TGFA: variants seen among roughly 807,000 people sequenced by gnomAD.
TGFA encodes the protein transforming growth factor alpha, also known as protransforming growth factor alpha.
Under a neutral mutation model 21.7 loss-of-function variants are expected in TGFA, and 12 were observed. That is an observed-to-expected ratio of 0.55 (90% confidence interval 0.35 to 0.90). The LOEUF (loss-of-function observed/expected upper bound fraction) is 0.90. TGFA is among the 40% of genes least tolerant of loss of function. The pLI, the probability that TGFA is intolerant of heterozygous loss-of-function variation, is 0.01. For missense variants in TGFA, 178 were observed against 210.8 expected, an observed-to-expected ratio of 0.84 and a Z score of 0.96; for synonymous variants, 79 against 88.1, an observed-to-expected ratio of 0.90 and a Z score of 0.58.
chr2:70,456,201 C>T, intron 4 of TGFA, 138 bp downstream of exon 4: 1 of 1,210,456 alleles, frequency 8.3e-7, no homozygotes, highest in Non-Finnish European at 1.1e-6. Context: ...ATCAAAGTAG[C>T]ATTTAGCTTT....
intron 3 of TGFA, among the ~76,000 whole-genome samples, chr2:70,462,373 C>A (rs1028107746): frequency 9.9e-5 from 15 of 152,222 alleles, no homozygotes; most frequent in African/African-American, 3.4e-4. Flanking sequence ...TGTCCCAGGG[C>A]TGAACACATG....
intron 3 of TGFA, among the ~76,000 whole-genome samples, chr2:70,457,578 T>C (rs1042730686): frequency 6.6e-6 from 1 of 151,532 alleles, no homozygotes; most frequent in Admixed American, 6.6e-5. Context: ...GTCTCACTCT[T>C]GTGCCCAGCC....
chr2:70,496,570 T>C (rs999773522), intron 2 of TGFA, among the ~76,000 whole-genome samples: 7 of 152,220 alleles, frequency 4.6e-5, no homozygotes, highest in African/African-American at 7.2e-5. Context: ...ATATTGGCTC[T>C]TTGTGACTTA....
intron 2 of TGFA, chr2:70,467,687 C>G (rs1009570851): frequency 6.6e-6 from 1 of 152,158 alleles, no homozygotes; most frequent in Non-Finnish European, 1.5e-5. Context: ...GTTCCTGGAG[C>G]TCTTGCTCTC....
rs190296919 is a variant in TGFA at position 70,463,448 on chromosome 2, C to G, written c.215+2168G>C. Among the ~76,000 whole-genome samples the G allele has an allele frequency of 2.8e-3, 419 of 152,222 alleles. 5 individuals carry two copies. Among genetic ancestry groups the G allele is most frequent in the Non-Finnish European group, 7.9e-4 (54 of 68,000 alleles). ...GGGAATGGGAGAGCAGTCACCCACCCCAGCGTTCAGAAGGCTTCTAACAGC... is the reference window on the plus strand; with the variant it reads ...GGGAATGGGAGAGCAGTCACCCACCGCAGCGTTCAGAAGGCTTCTAACAGC... On this transcript the variant is annotated intron_variant, in intron 3 of 5. Coordinates refer to ENST00000295400, the MANE Select transcript of TGFA (RefSeq NM_003236.4).
chr2:70,532,993 C>T (rs912757686), intron 1 of TGFA, among the ~76,000 whole-genome samples: 6 of 151,836 alleles, frequency 4.0e-5, no homozygotes, highest in Admixed American at 1.3e-4. Flanking sequence ...TCCCAAGTAG[C>T]TGGGGTGACA....
chr2:70,514,917 T>A lies in TGFA; in HGVS notation c.41-5A>T, dbSNP rs1553501404. The A allele has an allele frequency of 6.2e-7, 1 of 1,613,654 alleles. No individual in the cohort carries two copies. Among genetic ancestry groups the A allele is most frequent in the Admixed American group, 1.7e-5 (1 of 59,966 alleles). ...GGCACGCAGCCAACACAATACCTGTTGGGTGGAGGAGAAGAGGGAAAAGGT... is the reference window on the plus strand; with the variant it reads ...GGCACGCAGCCAACACAATACCTGTAGGGTGGAGGAGAAGAGGGAAAAGGT... On this transcript the variant is annotated splice_region_variant and splice_polypyrimidine_tract_variant and intron_variant, in intron 1 of 5. Transcript: ENST00000295400.
intron 2 of TGFA, among the ~76,000 whole-genome samples, chr2:70,502,285 AC>A (rs1671760067): frequency 6.6e-6 from 1 of 152,084 alleles, no homozygotes; most frequent in Non-Finnish European, 1.5e-5. Flanking sequence ...GGGTTCCATG[AC>A]CCTACTTCCC....
At chr2:70,502,306 A>C (rs1553499293) in intron 2 of TGFA, among the ~76,000 whole-genome samples, 1 of 152,188 alleles carries the variant, frequency 6.6e-6, no homozygotes, top group Non-Finnish European at 1.5e-5. Context: ...CAACAGCCAA[A>C]GTGTGGCTTC....
chr2:70,519,396 A>C (rs1553501970), intron 1 of TGFA, among the ~76,000 whole-genome samples: 1 of 152,228 alleles, frequency 6.6e-6, no homozygotes, highest in African/African-American at 2.4e-5. Flanking sequence ...TTTTATTTGC[A>C]AGCATGGCAG....
At chr2:70,538,521 G>C (rs1673040811) in intron 1 of TGFA, among the ~76,000 whole-genome samples, 2 of 152,222 alleles carry the variant, frequency 1.3e-5, no homozygotes, top group Non-Finnish European at 2.9e-5. Flanking sequence ...TTTGGAAGAA[G>C]TTGATTCCAA....
At position 70,450,150 on chromosome 2, in the gene TGFA, C is replaced by T. The variant is rs1670009029; in HGVS notation, c.*709G>A. ...TTTCTAATCAGTATAGCTTTTCAGT[C>T]AGCAACACATACATCATTAATGTAG... On this transcript the variant is annotated 3_prime_UTR_variant, in exon 6 of 6. Transcript: ENST00000295400. The T allele has an allele frequency of 6.6e-6, 1 of 152,196 alleles. No homozygotes were observed. Among genetic ancestry groups the T allele is most frequent in the African/African-American group, 2.4e-5 (1 of 41,442 alleles). 9.4% of individuals were successfully genotyped at this position (152,196 alleles called of 1,614,324 possible).
At chr2:70,461,595 A>G (rs1670406949) in intron 3 of TGFA, 1 of 152,178 alleles carries the variant, frequency 6.6e-6, no homozygotes, top group Admixed American at 6.5e-5. Context: ...CAGGTGAGAA[A>G]CTTCAAACTG....
At chr2:70,514,758 G>T in intron 2 of TGFA, 101 bp downstream of exon 2, 3 of 1,261,250 alleles carry the variant, frequency 2.4e-6, no homozygotes, top group Non-Finnish European at 2.3e-6. Flanking sequence ...GCGTGTGCTC[G>T]GTGGGCAGGA....
chr2:70,513,942 A>G (rs1393026597), intron 2 of TGFA, among the ~76,000 whole-genome samples: 2 of 152,208 alleles, frequency 1.3e-5, no homozygotes, highest in East Asian at 3.8e-4. Flanking sequence ...TCGGAAAGCT[A>G]TCTGGCAGTT....
intron 1 of TGFA, among the ~76,000 whole-genome samples, chr2:70,535,240 T>G (rs1310203136): frequency 6.6e-6 from 1 of 152,158 alleles, no homozygotes; most frequent in Non-Finnish European, 1.5e-5. Context: ...GTGTACCTCA[T>G]GCCATATTGT....
chr2:70,516,036 C>T (rs567493001), intron 1 of TGFA, among the ~76,000 whole-genome samples: 3 of 152,200 alleles, frequency 2.0e-5, no homozygotes, highest in South Asian at 2.1e-4. Context: ...AACAGATGAC[C>T]TTTATGTGCC....
intron 2 of TGFA, among the ~76,000 whole-genome samples, chr2:70,487,139 A>C (rs1427504822): frequency 1.3e-5 from 2 of 152,230 alleles, no homozygotes; most frequent in Admixed American, 1.3e-4. Flanking sequence ...AGAACAGAAG[A>C]GTACAAAGAA....
intron 2 of TGFA, among the ~76,000 whole-genome samples, chr2:70,483,650 C>G (rs1373098515): frequency 6.6e-6 from 1 of 152,144 alleles, no homozygotes; most frequent in Non-Finnish European, 1.5e-5. Flanking sequence ...AAGAGATGGA[C>G]TTATTCCTTC....
Sources: allele counts gnomAD v4.1 joint callset (sites outside exome capture counted in the v4.1 genomes callset), GRCh38; gene constraint gnomAD v4.1.1; transcripts MANE v1.5; gene names NCBI Gene and HGNC (gene_info 2026-07-23, HGNC 2026-07-21).